COL5A2: variants seen among roughly 807,000 people sequenced by gnomAD.
COL5A2 encodes collagen alpha-2(V) chain.
In COL5A2, 23 loss-of-function variants were observed where a neutral mutation model predicts 208.2. The ratio of observed to expected loss-of-function variants is 0.11; its 90% CI spans 0.08 to 0.16. COL5A2 has a LOEUF of 0.16. Ranked by LOEUF, COL5A2 falls within the 10% of genes least tolerant of loss-of-function variation. COL5A2 has a pLI of 1.00. For synonymous variants in COL5A2, 625 were observed against 628.5 expected, an observed-to-expected ratio of 0.99 and a Z score of 0.08; for missense variants, 1,590 against 1,956.4, an observed-to-expected ratio of 0.81 and a Z score of 3.53.
In COL5A2 at chr2:189,049,896, C is replaced by G. The variant is rs75491708; in HGVS notation, c.3040-442G>C. On this transcript the variant is annotated intron_variant, in intron 43 of 53. Transcript: ENST00000374866. Reference sequence around the variant, plus strand: ...ACAATAAGACATCCCTTAGCTCCTACTTTGTTGGTTTCATATTTCAACCCA... The same window carrying G: ...ACAATAAGACATCCCTTAGCTCCTAGTTTGTTGGTTTCATATTTCAACCCA... Among the ~76,000 whole-genome samples the G allele has an allele frequency of 8.1e-4, 123 of 152,304 alleles. 1 individual carries two copies. Among genetic ancestry groups the G allele is most frequent in the South Asian group, 3.3e-3 (16 of 4,822 alleles).
chr2:189,144,762 C>T (rs535967619), intron 1 of COL5A2, among the ~76,000 whole-genome samples: 1 of 152,132 alleles, frequency 6.6e-6, no homozygotes, highest in Non-Finnish European at 1.5e-5. Flanking sequence ...ACATCCTGAG[C>T]AGTAAGCACA....
chr2:189,342,510 C>CATATAATATATATGTATTTATGCATATA, the COL5A2 span, among the ~76,000 whole-genome samples: 1 of 147,172 alleles, frequency 6.8e-6, no homozygotes, highest in Non-Finnish European at 1.5e-5. Flanking sequence ...TGTATATATA[C>CATATAATATATATGTATTTATGCATATA]ATATATATAA....
chr2:189,327,404 G>A, the COL5A2 span, among the ~76,000 whole-genome samples: 9 of 152,084 alleles, frequency 5.9e-5, no homozygotes, highest in African/African-American at 1.7e-4. Flanking sequence ...ACAGGAGGAA[G>A]AGGAAAAGGG....
chr2:189,405,197 T>C, the COL5A2 span, among the ~76,000 whole-genome samples: 2 of 151,710 alleles, frequency 1.3e-5, no homozygotes, highest in Admixed American at 6.6e-5. Context: ...ATTAAAAAAA[T>C]AGTGACATTA....
chr2:189,363,143 T>G, the COL5A2 span, among the ~76,000 whole-genome samples: 1 of 152,242 alleles, frequency 6.6e-6, no homozygotes, highest in East Asian at 1.9e-4. Flanking sequence ...ACTAACACCT[T>G]TCATTAACTT....
chr2:189,192,014 T>G (rs1350034511), intron 1 of COL5A2, among the ~76,000 whole-genome samples: 1 of 152,152 alleles, frequency 6.6e-6, no homozygotes, highest in Non-Finnish European at 1.5e-5. Flanking sequence ...TAACCATACA[T>G]AGATTTGAAT....
At chr2:189,148,987 A>C (rs1688093534) in intron 1 of COL5A2, among the ~76,000 whole-genome samples, 1 of 152,116 alleles carries the variant, frequency 6.6e-6, no homozygotes, top group Non-Finnish European at 1.5e-5. Context: ...CAAATATACA[A>C]AAAATTAATT....
chr2:189,045,218 A>G lies in COL5A2; in HGVS notation c.3324T>C (p.Pro1108=). The part of the protein sequence containing the change: ...GQRGDPGSRG[P]IGPPGRAGKR... ...TCCCAGCTCGACCAGGTGGTCCTAT[A>G]GGACCCCGAGAACCCTAAAAGAAAT... Residue 1108 remains proline, a synonymous_variant, in exon 47 of 54, where the codon CCT becomes CCC. Coordinates refer to ENST00000374866, the MANE Select transcript of COL5A2 (RefSeq NM_000393.5). 1.2e-6 allele frequency: 2 copies of G among 1,609,064 alleles called. No individual in the cohort carries two copies. The highest frequency in any genetic ancestry group is 1.7e-6 in the Non-Finnish European group (2 of 1,177,786).
the COL5A2 span, among the ~76,000 whole-genome samples, chr2:189,326,367 G>A: frequency 6.6e-6 from 1 of 152,056 alleles, no homozygotes; most frequent in Non-Finnish European, 1.5e-5. Context: ...ATTTTAAAGA[G>A]ATTGTAAAAC....
At chr2:189,120,283 A>G (rs1687474353) in intron 1 of COL5A2, among the ~76,000 whole-genome samples, 1 of 152,114 alleles carries the variant, frequency 6.6e-6, no homozygotes, top group Non-Finnish European at 1.5e-5. Flanking sequence ...TGCATTCTGG[A>G]AAAATTACAT....
At chr2:189,348,085 T>C in the COL5A2 span, among the ~76,000 whole-genome samples, 2 of 152,018 alleles carry the variant, frequency 1.3e-5, no homozygotes, top group African/African-American at 4.8e-5. Context: ...GGAGGGTATG[T>C]GGGAAATTTT....
the COL5A2 span, among the ~76,000 whole-genome samples, chr2:189,440,521 C>A: frequency 1.3e-5 from 2 of 152,186 alleles, no homozygotes; most frequent in African/African-American, 4.8e-5. Context: ...TATAATCTTA[C>A]GGAATCACCA....
At chr2:189,304,310 T>C in the COL5A2 span, among the ~76,000 whole-genome samples, 1 of 152,252 alleles carries the variant, frequency 6.6e-6, no homozygotes, top group Non-Finnish European at 1.5e-5. Flanking sequence ...TTAGCTAAGA[T>C]TAGCAGCACA....
At chr2:189,163,788 A>C (rs930760916) in intron 1 of COL5A2, among the ~76,000 whole-genome samples, 2 of 152,246 alleles carry the variant, frequency 1.3e-5, no homozygotes, top group African/African-American at 4.8e-5. Context: ...CAAAGCAGAC[A>C]GTAGCTCTGG....
At chr2:189,312,776 C>A in the COL5A2 span, among the ~76,000 whole-genome samples, 1 of 151,692 alleles carries the variant, frequency 6.6e-6, no homozygotes, top group Non-Finnish European at 1.5e-5. Context: ...ACTGGTGATA[C>A]GTCTAGGTAC....
At chr2:189,229,630 C>A (rs1278976642), upstream of COL5A2, among the ~76,000 whole-genome samples, 2 of 151,120 alleles carry the variant, frequency 1.3e-5, no homozygotes, top group African/African-American at 4.8e-5. Flanking sequence ...AACTGAGGGA[C>A]CAAAAGACTT....
chr2:189,067,590 T>G (rs1300071085), intron 21 of COL5A2, among the ~76,000 whole-genome samples: 1 of 152,212 alleles, frequency 6.6e-6, no homozygotes, highest in Non-Finnish European at 1.5e-5. Context: ...ACATTCAATC[T>G]GATTAATATA....
the COL5A2 span, among the ~76,000 whole-genome samples, chr2:189,299,341 T>G: frequency 6.6e-6 from 1 of 152,192 alleles, no homozygotes; most frequent in Non-Finnish European, 1.5e-5. Flanking sequence ...CGCTATCATT[T>G]ATTAAGATCA....
At chr2:189,116,943 T>G (rs1054518882) in intron 1 of COL5A2, among the ~76,000 whole-genome samples, 9 of 152,216 alleles carry the variant, frequency 5.9e-5, no homozygotes, top group African/African-American at 2.2e-4. Flanking sequence ...AGTGAGCATA[T>G]GAATTTAAAA....
Sources: allele counts gnomAD v4.1 joint callset (sites outside exome capture counted in the v4.1 genomes callset), GRCh38; gene constraint gnomAD v4.1.1; transcripts MANE v1.5; gene names NCBI Gene and HGNC (gene_info 2026-07-23, HGNC 2026-07-21).